Variants in PTPRU observed in about 807,000 individuals in gnomAD.
The protein encoded by PTPRU is protein tyrosine phosphatase receptor type U.
A neutral mutation model predicts 166.3 loss-of-function variants in PTPRU; 69 were observed. That is an observed-to-expected ratio of 0.41 (90% CI 0.34 to 0.51). PTPRU has a LOEUF of 0.51. Among genes scored for constraint, PTPRU ranks in the 20% least tolerant of loss-of-function variants. The probability of loss-of-function intolerance (pLI) is 0.09; values close to 1 mark genes in which losing one functional copy is unlikely to be tolerated. For missense variants in PTPRU, 1,657 were observed against 2,013.7 expected (o/e 0.82, Z 3.39); for synonymous variants, 793 against 814.0 (o/e 0.97, Z 0.44).
At chr1:29,310,570 C>T (rs538830055) in intron 18 of PTPRU, among the ~76,000 whole-genome samples, 174 bp from the exon 19 acceptor site, 2 of 152,236 alleles carry the variant, frequency 1.3e-5, no homozygotes, top group African/African-American at 4.8e-5. Context: ...TTCTCCACTT[C>T]CTTGGGGACC....
intron 28 of PTPRU, among the ~76,000 whole-genome samples, chr1:29,324,258 T>C (rs1168588255): frequency 6.6e-6 from 1 of 152,230 alleles, no homozygotes; most frequent in Non-Finnish European, 1.5e-5. Context: ...CTCCCCACTT[T>C]TTCATGCTTT....
At chr1:29,245,200 G>C (rs1443037960) in intron 1 of PTPRU, among the ~76,000 whole-genome samples, 2 of 152,228 alleles carry the variant, frequency 1.3e-5, no homozygotes, top group African/African-American at 4.8e-5. Flanking sequence ...CAGCATGCTG[G>C]GATTCTGCTC....
intron 25 of PTPRU, 145 bp downstream of exon 25, chr1:29,318,066 A>C: frequency 9.1e-7 from 1 of 1,097,362 alleles, no homozygotes; most frequent in South Asian, 1.6e-5. Context: ...TGACCCTCCT[A>C]CTCCTAGGGA....
intron 14 of PTPRU, among the ~76,000 whole-genome samples, chr1:29,286,058 C>T (rs1044229871): frequency 3.3e-5 from 5 of 152,154 alleles, no homozygotes; most frequent in African/African-American, 7.2e-5. Context: ...CTGCCAGGAG[C>T]GGATAATAGG....
intron 8 of PTPRU, among the ~76,000 whole-genome samples, chr1:29,276,112 C>A (rs571625343): frequency 6.6e-6 from 1 of 152,204 alleles, no homozygotes; most frequent in African/African-American, 2.4e-5. Flanking sequence ...GGAATTTGTT[C>A]ATTACACCTA....
chr1:29,314,790 G>C (rs1490632559), intron 22 of PTPRU, among the ~76,000 whole-genome samples: 1 of 152,068 alleles, frequency 6.6e-6, no homozygotes, highest in Admixed American at 6.5e-5. Context: ...TGTTGGCCAG[G>C]CTGGTCTCGA....
intron 14 of PTPRU, 33 bp downstream of exon 14, chr1:29,284,902 G>C (rs756765668): frequency 6.3e-7 from 1 of 1,582,560 alleles, no homozygotes; most frequent in South Asian, 1.2e-5. Flanking sequence ...CCCACCAGTG[G>C]CTTCTACCCC....
rs542650869 is a variant in PTPRU at position 29,238,145 on chromosome 1, G to A, written c.73+1428G>A. ...TGGTCGCGTTCTCCGGGTGTGTTTC[G>A]GAGTCTGGTGTCTTTGGTGTGCGTG... On this transcript the variant is annotated intron_variant, in intron 1 of 29. Transcript: ENST00000373779. This position sits in a 1 kb window ranked among gnomAD's most constrained non-coding sequence, Gnocchi z 6.1. 6.6e-6 allele frequency among the ~76,000 whole-genome samples: 1 copy of A among 152,132 alleles called. No homozygotes were observed. Among genetic ancestry groups the A allele is most frequent in the African/African-American group, 2.4e-5 (1 of 41,544 alleles).
In PTPRU at chr1:29,238,786, A is replaced by T. The variant is rs1195497185; in HGVS notation, c.73+2069A>T. The stretch of plus-strand genomic sequence containing the variant: ...CTGTATGCGCCCCATCCCCGCTCCT[A>T]CCACCATCGCTTTGATTTCAAGAAC... On this transcript the variant is annotated intron_variant, in intron 1 of 29. Coordinates refer to ENST00000373779, the MANE Select transcript of PTPRU (RefSeq NM_133178.4). This position sits in a 1 kb window ranked among gnomAD's most constrained non-coding sequence, Gnocchi z 6.1. Among the ~76,000 whole-genome samples, 1 of 151,694 alleles carries T rather than the reference A, an allele frequency of 6.6e-6. No individual in the cohort carries two copies. Among genetic ancestry groups the T allele is most frequent in the Non-Finnish European group, 1.5e-5 (1 of 67,932 alleles).
intron 7 of PTPRU, among the ~76,000 whole-genome samples, chr1:29,274,193 G>A (rs917431919): frequency 3.9e-5 from 6 of 152,122 alleles, no homozygotes; most frequent in Admixed American, 3.3e-4. Context: ...ACCACGCCTG[G>A]CTAATTTTTT....
chr1:29,283,813 G>T, intron 12 of PTPRU, 127 bp from the exon 13 acceptor site: 1 of 1,130,370 alleles, frequency 8.8e-7, no homozygotes, highest in Non-Finnish European at 1.3e-6. Flanking sequence ...CGGGTGGGGT[G>T]TCCCTTGATG....
At position 29,304,011 on chromosome 1, in the gene PTPRU, C is replaced by T. The variant is rs140979819; in HGVS notation, c.2633C>T (p.Thr878Met). The T allele has an allele frequency of 3.8e-5, 61 of 1,611,522 alleles. No individual in the cohort carries two copies. Among genetic ancestry groups the T allele is most frequent in the African/African-American group, 2.4e-4 (18 of 74,970 alleles). Reference sequence around the variant, plus strand: ...CTGCAGCACATCAACCAGATGAAGACGGCCGAGGGTTACGGCTTCAAGCAG... The same window carrying T: ...CTGCAGCACATCAACCAGATGAAGATGGCCGAGGGTTACGGCTTCAAGCAG... ...DLLQHINQMK[T>M]AEGYGFKQEY... is the part of the protein sequence containing the mutation. The change falls in exon 16 of 30, where the codon ACG (threonine) becomes ATG (methionine). Residue 878 changes from threonine (T) to methionine (M), a missense_variant. Thr to Met is a moderately conservative substitution (Grantham distance 81). Transcript: ENST00000373779.
At chr1:29,287,081 G>A (rs940567872) in intron 14 of PTPRU, among the ~76,000 whole-genome samples, 6 of 152,234 alleles carry the variant, frequency 3.9e-5, no homozygotes, top group South Asian at 2.1e-4. Flanking sequence ...AACAAGAGTA[G>A]GAAGTTGCTG....
chr1:29,240,762 C>G lies in PTPRU; in HGVS notation c.73+4045C>G, dbSNP rs928424255. 2.0e-5 allele frequency among the ~76,000 whole-genome samples: 3 copies of G among 152,066 alleles called. No homozygotes were observed. The South Asian group carries it at 6.2e-4, about 31-fold the overall frequency. ...CCTGGCAGTTGGTGAGACGTTGAGT[C>G]TCAACGGTCTGTGTGAGTGGCTGGG... On this transcript the variant is annotated intron_variant, in intron 1 of 29. Transcript: ENST00000373779.
At chr1:29,277,163 C>T (rs954371371) in intron 8 of PTPRU, among the ~76,000 whole-genome samples, 2 of 152,122 alleles carry the variant, frequency 1.3e-5, no homozygotes, top group African/African-American at 4.8e-5. Flanking sequence ...TGCAGTGGCA[C>T]AATCTCGGCT....
At chr1:29,319,529 T>G (rs1357672511) in intron 25 of PTPRU, among the ~76,000 whole-genome samples, 4 of 152,176 alleles carry the variant, frequency 2.6e-5, no homozygotes, top group Non-Finnish European at 5.9e-5. Flanking sequence ...GTCTTTGTGG[T>G]GGTCAAGTCT....
intron 24 of PTPRU, among the ~76,000 whole-genome samples, chr1:29,316,948 C>T (rs750053798): frequency 8.5e-5 from 13 of 152,068 alleles, no homozygotes; most frequent in African/African-American, 2.9e-4. Flanking sequence ...AGCCTGAGAG[C>T]GATCACTGGG....
chr1:29,304,978 C>G (rs1311685937), intron 17 of PTPRU, 129 bp downstream of exon 17: 2 of 749,748 alleles, frequency 2.7e-6, no homozygotes, highest in East Asian at 2.7e-5. Context: ...TATTGAGGGC[C>G]TACCACACGT....
At chr1:29,323,892 C>T in intron 28 of PTPRU, 104 bp downstream of exon 28, 1 of 1,368,120 alleles carries the variant, frequency 7.3e-7, no homozygotes. Flanking sequence ...AAAGCTGGCA[C>T]CGAAACCCCT....
Sources: gnomAD v4.1 joint callset for allele counts (sites outside exome capture counted in the v4.1 genomes callset) on GRCh38, gnomAD v4.1.1 for gene constraint, Gnocchi (gnomAD v3.1) non-coding constraint, MANE v1.5 for transcripts, NCBI Gene and HGNC (gene_info 2026-07-23, HGNC 2026-07-21) for gene names.